The following ADGRL2 variants were observed in gnomAD, a reference collection of about 807,000 sequenced individuals.
The protein encoded by ADGRL2 is calcium-independent alpha-latrotoxin receptor 2.
A neutral mutation model predicts 157.4 loss-of-function variants in ADGRL2; 44 were observed. The ratio of observed to expected loss-of-function variants is 0.28; its 90% CI spans 0.22 to 0.36. The LOEUF (loss-of-function observed/expected upper bound fraction) is 0.36, where lower values mean the gene tolerates loss of function less well. Among genes scored for constraint, ADGRL2 ranks in the 10% least tolerant of loss-of-function variants. The pLI is 1.00. For synonymous variants in ADGRL2, 585 were observed against 624.7 expected, an observed-to-expected ratio of 0.94 and a Z score of 0.95; for missense variants, 1,510 against 1,768.9, an observed-to-expected ratio of 0.85 and a Z score of 2.63.
chr1:81,866,329 C>G (rs2093542453), intron 2 of ADGRL2, among the ~76,000 whole-genome samples: 1 of 152,126 alleles, frequency 6.6e-6, no homozygotes, highest in African/African-American at 2.4e-5. Context: ...TTCTCCTTAA[C>G]AGTCTTAGTA....
At chr1:81,461,929 AAG>A (rs1491240050) in intron 2 of ADGRL2, among the ~76,000 whole-genome samples, 9 of 24,364 alleles carry the variant, frequency 3.7e-4, no homozygotes, top group East Asian at 1.1e-3. Context: ...GAAAAGAAGA[AAG>A]GGGGGGGGGG....
intron 2 of ADGRL2, among the ~76,000 whole-genome samples, chr1:81,535,119 G>A (rs568747373): frequency 3.3e-5 from 5 of 152,168 alleles, no homozygotes; most frequent in East Asian, 3.9e-4. Flanking sequence ...AGTCCAAGTC[G>A]GCTTTAAGTG....
chr1:81,673,658 G>T (rs2082922362), intron 3 of ADGRL2, among the ~76,000 whole-genome samples: 1 of 152,022 alleles, frequency 6.6e-6, no homozygotes, highest in East Asian at 1.9e-4. Flanking sequence ...GGGACTACAG[G>T]CGCCCACCAC....
chr1:81,472,657 G>A (rs2101875285), intron 2 of ADGRL2, among the ~76,000 whole-genome samples: 1 of 152,160 alleles, frequency 6.6e-6, no homozygotes, highest in Admixed American at 6.5e-5. Context: ...AAAGGAAAGG[G>A]AAAGGGAAAG....
At chr1:81,691,917 T>A (rs931917737) in intron 3 of ADGRL2, among the ~76,000 whole-genome samples, 11 of 147,702 alleles carry the variant, frequency 7.4e-5, no homozygotes, top group Middle Eastern at 3.6e-3. Context: ...TAGATATATG[T>A]GTGTATATAT....
chr1:81,671,018 T>C (rs2082864284), intron 3 of ADGRL2, among the ~76,000 whole-genome samples: 1 of 152,182 alleles, frequency 6.6e-6, no homozygotes. Flanking sequence ...CCTCACAGAT[T>C]GATTTTTAAT....
Position 81,347,382 on chromosome 1 carries a change from C to T in ADGRL2, c.-302+40873C>T, listed in dbSNP as rs1296922698. 2.6e-5 allele frequency among the ~76,000 whole-genome samples: 4 copies of T among 150,990 alleles called. No individual in the cohort carries two copies. In the East Asian group the frequency reaches 7.8e-4, roughly 30 times the overall value. ...TGCCATTGCACTCCAGCCTGGATGA[C>T]AGAGAGAGACTGTTTCAAAAAAAAA... On this transcript the variant is annotated intron_variant, in intron 1 of 24. Transcript: ENST00000370721.
At chr1:81,924,615 C>T (rs1321133333) in intron 3 of ADGRL2, among the ~76,000 whole-genome samples, 2 of 151,900 alleles carry the variant, frequency 1.3e-5, no homozygotes, top group Non-Finnish European at 2.9e-5. Context: ...TATATTGCAC[C>T]TATATTAATG....
In ADGRL2 at chr1:81,952,118, T is replaced by C. The variant is rs760408642; in HGVS notation, c.1770T>C (p.Asp590=). 2.5e-6 allele frequency: 4 copies of C among 1,612,630 alleles called. No individual in the cohort carries two copies. The Admixed American group carries it at 6.7e-5, about 27-fold the overall frequency. Residue 590 remains aspartate (D), a synonymous_variant, in exon 9 of 24, where the codon GAT becomes GAC. Coordinates refer to ENST00000686636, the MANE Select transcript of ADGRL2 (RefSeq NM_001366006.2). ...QLQELKPSEK[D]SAGRSYNKLQ... is the part of the protein sequence containing the mutation. ...AGGAACTGAAACCTAGTGAAAAAGATTCAGCTGGACGGAGTTATAACAAGG... is the reference window on the plus strand; with the variant it reads ...AGGAACTGAAACCTAGTGAAAAAGACTCAGCTGGACGGAGTTATAACAAGG...
chr1:81,330,693 A>G (rs772645632), intron 1 of ADGRL2, among the ~76,000 whole-genome samples: 16 of 152,174 alleles, frequency 1.1e-4, no homozygotes, highest in Non-Finnish European at 1.9e-4. Context: ...CTTAATCACC[A>G]TTACTACAAG....
intron 2 of ADGRL2, among the ~76,000 whole-genome samples, chr1:81,574,404 C>T (rs1331252178): frequency 6.6e-6 from 1 of 152,002 alleles, no homozygotes; most frequent in African/African-American, 2.4e-5. Flanking sequence ...TAAAAGGGTC[C>T]CAGATTATAA....
intron 18 of ADGRL2, chr1:81,981,174 A>AATGCACT (rs1661564492): frequency 5.2e-6 from 2 of 381,252 alleles, no homozygotes; most frequent in African/African-American, 4.3e-5. Flanking sequence ...TTAGACATGG[A>AATGCACT]ATGCACTGAC....
chr1:81,502,066 C>A, intron 2 of ADGRL2: 11 of 1,600,714 alleles, frequency 6.9e-6, no homozygotes, highest in Non-Finnish European at 9.4e-6. Flanking sequence ...AGGAAGAGGA[C>A]GGAGGTTTGG....
intron 1 of ADGRL2, among the ~76,000 whole-genome samples, chr1:81,406,056 T>A (rs959129212): frequency 1.3e-5 from 2 of 152,192 alleles, no homozygotes; most frequent in African/African-American, 4.8e-5. Context: ...GAAAAATCTT[T>A]AAGCATACAT....
Position 81,393,997 on chromosome 1 carries a change from C to A in ADGRL2, c.-301-51039C>A, listed in dbSNP as rs775103761. Among the ~76,000 whole-genome samples the A allele has an allele frequency of 3.5e-4, 53 of 152,050 alleles. 2 individuals are homozygous for A. Among genetic ancestry groups the A allele is most frequent in the East Asian group, 1.9e-4 (1 of 5,180 alleles). On this transcript the variant is annotated intron_variant, in intron 1 of 24. Transcript: ENST00000370721. ...TTTCAGGGAAAATATAAAACATTTT[C>A]ACTTCTTTCTAGACTTTTACTGCAT...
chr1:81,899,239 A>G (rs2094446560), intron 2 of ADGRL2, among the ~76,000 whole-genome samples: 1 of 152,250 alleles, frequency 6.6e-6, no homozygotes, highest in Non-Finnish European at 1.5e-5. Context: ...AAAGTTTATC[A>G]CAACAAAATG....
intron 3 of ADGRL2, among the ~76,000 whole-genome samples, chr1:81,585,584 C>T (rs2081009752): frequency 1.3e-5 from 2 of 151,956 alleles, no homozygotes; most frequent in South Asian, 2.1e-4. Flanking sequence ...AACTTTTGGC[C>T]CTTCTAGAAT....
At chr1:81,353,934 T>TGAGAAG (rs1663096441) in intron 1 of ADGRL2, among the ~76,000 whole-genome samples, 3 of 152,142 alleles carry the variant, frequency 2.0e-5, no homozygotes, top group Non-Finnish European at 4.4e-5. Flanking sequence ...CAGGCATGAA[T>TGAGAAG]CTTTGAGAAG....
At position 81,974,297 on chromosome 1, in the gene ADGRL2, G is replaced by A. The variant is rs536337230; in HGVS notation, c.3021+2379G>A. Reference sequence around the variant, plus strand: ...AGTGCTGGTAAGTAATGAGCAGTGGGAAACCATTAGTATGCCTGAAATGGT... The same window carrying A: ...AGTGCTGGTAAGTAATGAGCAGTGGAAAACCATTAGTATGCCTGAAATGGT... On this transcript the variant is annotated intron_variant, in intron 17 of 23. Transcript: ENST00000686636. 1.1e-4 allele frequency among the ~76,000 whole-genome samples: 17 copies of A among 152,312 alleles called. No individual in the cohort carries two copies. In the South Asian group the frequency reaches 3.5e-3, roughly 32 times the overall value.
Sources: allele counts gnomAD v4.1 joint callset (sites outside exome capture counted in the v4.1 genomes callset), GRCh38; gene constraint gnomAD v4.1.1; transcripts MANE v1.5; gene names NCBI Gene and HGNC (gene_info 2026-07-23, HGNC 2026-07-21).